The following KDM3B variants were observed in gnomAD, a reference collection of about 807,000 sequenced individuals.
KDM3B encodes lysine demethylase 3B, also known as lysine-specific demethylase 3B.
KDM3B carries 10 observed loss-of-function variants against 170.0 expected under a neutral mutation model. That is an observed-to-expected ratio of 0.06 (90% CI 0.04 to 0.10). The LOEUF is 0.10. KDM3B is among the 10% of genes least tolerant of loss of function. The pLI is 1.00. For missense variants in KDM3B, 1,394 were observed against 2,195.2 expected, an observed-to-expected ratio of 0.64 and a Z score of 7.29; for synonymous variants, 831 against 834.8, an observed-to-expected ratio of 1.00 and a Z score of 0.08.
In KDM3B at chr5:138,386,233, G is replaced by A; in HGVS notation, c.992G>A (p.Gly331Glu). The change falls in exon 7 of 24, where the codon GGA (glycine) becomes GAA (glutamate). Residue 331 changes from glycine to glutamate, a missense_variant. By Grantham distance (98) the Gly-to-Glu change is moderately conservative. Coordinates refer to ENST00000314358, the MANE Select transcript of KDM3B (RefSeq NM_016604.4). Reference sequence around the variant, plus strand: ...CCCTGGAAAGGAGGGAATGCCAGTGGAGAGCCAGGGCTGGATCAGAGAGCC... The same window carrying A: ...CCCTGGAAAGGAGGGAATGCCAGTGAAGAGCCAGGGCTGGATCAGAGAGCC... ...RGPWKGGNASGEPGLDQRAKQ... is the reference protein window; with the variant it reads ...RGPWKGGNASEEPGLDQRAKQ... 1.9e-6 allele frequency: 3 copies of A among 1,614,180 alleles called. No homozygotes were observed. The highest frequency in any genetic ancestry group is 2.5e-6 in the Non-Finnish European group (3 of 1,180,044).
In KDM3B at chr5:138,422,800, T is replaced by G. The variant is rs547920805; in HGVS notation, c.3973-1275T>G. 5.9e-5 allele frequency among the ~76,000 whole-genome samples: 9 copies of G among 152,346 alleles called. No individual in the cohort carries two copies. In the East Asian group the frequency reaches 1.5e-3, roughly 26 times the overall value. On this transcript the variant is annotated intron_variant, in intron 15 of 23. Transcript: ENST00000314358. ...GTTCTACACCTTGCTATTCTGATTT[T>G]TAGTTTATATGTCCTGCAAATCATT...
rs576333494 is a variant in KDM3B, at chr5:138,377,582, T to C, written c.475-138T>C. 1.8e-4 allele frequency: 105 copies of C among 588,738 alleles called. No individual in the cohort carries two copies. The South Asian group carries it at 1.8e-3, about 10-fold the overall frequency. 36.5% of individuals were successfully genotyped at this position (588,738 alleles called of 1,614,324 possible). Reference sequence around the variant, plus strand: ...AGATTACAGGCATGATCACCACGCCTAGCCTGAGACTAAGGTTCTATAGAT... The same window carrying C: ...AGATTACAGGCATGATCACCACGCCCAGCCTGAGACTAAGGTTCTATAGAT... On this transcript the variant is annotated intron_variant, in intron 3 of 23. Transcript: ENST00000314358.
chr5:138,390,865 G>T, intron 7 of KDM3B, 148 bp from the exon 8 acceptor site: 1 of 692,580 alleles, frequency 1.4e-6, no homozygotes, highest in Admixed American at 3.3e-5. Flanking sequence ...GTGAACTCCA[G>T]TTACAAGAGC....
In KDM3B at chr5:138,370,247, T is replaced by C. The variant is rs900836897; in HGVS notation, c.193-2427T>C. On this transcript the variant is annotated intron_variant, in intron 1 of 23. Transcript: ENST00000314358. ...TCTCCATCTTTTTATTAAGTAGAAA[T>C]GAAGCTTACTTTTCTCATTGCTAAT... 6.6e-5 allele frequency among the ~76,000 whole-genome samples: 10 copies of C among 152,316 alleles called. No homozygotes were observed. In the South Asian group the frequency reaches 1.9e-3, roughly 28 times the overall value.
chr5:138,393,129 T>C, intron 8 of KDM3B, 42 bp from the exon 9 acceptor site: 2 of 1,584,032 alleles, frequency 1.3e-6, no homozygotes, highest in Non-Finnish European at 1.7e-6. Flanking sequence ...GGTTCCTGTT[T>C]ACACCTCATG....
At chr5:138,408,195 C>T (rs1156324990) in intron 11 of KDM3B, among the ~76,000 whole-genome samples, 1 of 152,108 alleles carries the variant, frequency 6.6e-6, no homozygotes, top group Non-Finnish European at 1.5e-5. Context: ...GCTATGTAAA[C>T]ATCATACCTG....
chr5:138,365,549 C>T (rs1188028825), intron 1 of KDM3B, among the ~76,000 whole-genome samples: 2 of 151,910 alleles, frequency 1.3e-5, no homozygotes, highest in Admixed American at 6.6e-5. Flanking sequence ...TGAGCCATGG[C>T]GCATGGCCTA....
At chr5:138,365,247 A>G (rs1054518333) in intron 1 of KDM3B, among the ~76,000 whole-genome samples, 3 of 152,042 alleles carry the variant, frequency 2.0e-5, no homozygotes, top group East Asian at 1.9e-4. Flanking sequence ...ACATTCATAC[A>G]GGATTCTTTT....
At chr5:138,378,994 A>G (rs1396837432) in intron 4 of KDM3B, among the ~76,000 whole-genome samples, 2 of 152,038 alleles carry the variant, frequency 1.3e-5, no homozygotes, top group African/African-American at 4.8e-5. Flanking sequence ...CCTGCTGATA[A>G]AGTAATATAT....
chr5:138,399,824 A>G (rs537030574), intron 10 of KDM3B, 36 bp from the exon 11 acceptor site: 2 of 1,601,008 alleles, frequency 1.2e-6, no homozygotes, highest in African/African-American at 1.3e-5. Flanking sequence ...ATTGGTCAGG[A>G]TGATCAATGC....
intron 1 of KDM3B, among the ~76,000 whole-genome samples, chr5:138,356,152 G>GT (rs1241911331): frequency 2.6e-5 from 4 of 152,186 alleles, no homozygotes; most frequent in East Asian, 1.9e-4. Context: ...GTTATCTAAA[G>GT]TTTTTTTGGC....
At chr5:138,404,017 G>A (rs1283748602) in intron 11 of KDM3B, among the ~76,000 whole-genome samples, 2 of 151,640 alleles carry the variant, frequency 1.3e-5, no homozygotes, top group Non-Finnish European at 2.9e-5. Context: ...ATTAGATAAT[G>A]TAGAAGAAAA....
chr5:138,431,321 A>T, intron 22 of KDM3B, 104 bp from the exon 23 acceptor site: 1 of 942,802 alleles, frequency 1.1e-6, no homozygotes, highest in Non-Finnish European at 1.5e-6. Context: ...TGGAAATATT[A>T]TACCTATTTC....
chr5:138,415,376 T>TTTA (rs1048575485), intron 12 of KDM3B, 137 bp downstream of exon 12: 1 of 535,168 alleles, frequency 1.9e-6, no homozygotes, highest in African/African-American at 1.9e-5. Flanking sequence ...AATTTGGATC[T>TTTA]TTATTATTAT....
chr5:138,397,401 G>C (rs555999084), intron 9 of KDM3B, among the ~76,000 whole-genome samples: 5 of 152,188 alleles, frequency 3.3e-5, no homozygotes, highest in African/African-American at 1.2e-4. Flanking sequence ...CCAGCTACTT[G>C]AGAAGCTGAG....
chr5:138,420,334 A>G (rs1176025362), intron 14 of KDM3B, among the ~76,000 whole-genome samples: 1 of 152,246 alleles, frequency 6.6e-6, no homozygotes, highest in Non-Finnish European at 1.5e-5. Context: ...GCCCAGAACT[A>G]TGAAATCAGA....
At chr5:138,377,944 G>A in intron 4 of KDM3B, 119 bp downstream of exon 4, 2 of 501,990 alleles carry the variant, frequency 4.0e-6, no homozygotes, top group Non-Finnish European at 6.9e-6. Flanking sequence ...TTTGTGGGCA[G>A]AGTCAGATGC....
intron 1 of KDM3B, among the ~76,000 whole-genome samples, chr5:138,357,366 ATT>A (rs397715674): frequency 2.7e-5 from 4 of 145,902 alleles, no homozygotes; most frequent in African/African-American, 2.5e-5. Context: ...TTTAAAAAAC[ATT>A]TTTTTTTTTT....
rs778015370 is a variant in KDM3B, at chr5:138,427,360, TG to T, written c.4633+42del. ...TAAAATTGCTCTTTTGGGGGACTGT[TG>T]TTCTTATTTCAACTATAGAAGGATA... is the stretch of plus-strand genomic sequence containing the variant. On this transcript the variant is annotated intron_variant, in intron 19 of 23. Coordinates refer to ENST00000314358, the MANE Select transcript of KDM3B (RefSeq NM_016604.4). 4.3e-5 allele frequency: 68 copies of T among 1,586,358 alleles called. No individual in the cohort carries two copies. The Middle Eastern group carries it at 5.0e-4, about 12-fold the overall frequency.
Sources: gnomAD v4.1 joint callset for allele counts (sites outside exome capture counted in the v4.1 genomes callset) on GRCh38, gnomAD v4.1.1 for gene constraint, MANE v1.5 for transcripts, NCBI Gene and HGNC (gene_info 2026-07-23, HGNC 2026-07-21) for gene names.